Variants in ADGRL3 observed in about 807,000 individuals in gnomAD.
ADGRL3 encodes the protein calcium-independent alpha-latrotoxin receptor 3.
ADGRL3 carries 62 observed loss-of-function variants against 153.5 expected under a neutral mutation model. The ratio of observed to expected loss-of-function variants is 0.40; its 90% CI spans 0.33 to 0.50. The LOEUF (loss-of-function observed/expected upper bound fraction) is 0.50. Ranked by LOEUF, ADGRL3 falls within the 20% of genes least tolerant of loss-of-function variation. The pLI is 0.47. For synonymous variants in ADGRL3, 710 were observed against 672.5 expected (o/e 1.06, Z -0.86); for missense variants, 1,641 against 1,859.4 (o/e 0.88, Z 2.16).
At chr4:61,650,303 A>G (rs1054462557) in intron 5 of ADGRL3, among the ~76,000 whole-genome samples, 6 of 152,146 alleles carry the variant, frequency 3.9e-5, no homozygotes, top group Non-Finnish European at 8.8e-5. Context: ...AATTCTCTCA[A>G]AATATTTACT....
chr4:61,590,889 T>A (rs1209162462), intron 5 of ADGRL3, among the ~76,000 whole-genome samples: 1 of 152,152 alleles, frequency 6.6e-6, no homozygotes, highest in Non-Finnish European at 1.5e-5. Flanking sequence ...TTTCTAGTAA[T>A]CTTTTGCTCA....
At chr4:61,322,627 G>T (rs780783414) in intron 1 of ADGRL3, among the ~76,000 whole-genome samples, 7 of 152,208 alleles carry the variant, frequency 4.6e-5, no homozygotes, top group Middle Eastern at 3.2e-3. Context: ...CGGCAGGACA[G>T]TCAAATGTTA....
chr4:61,733,217 C>A lies in ADGRL3; in HGVS notation c.1062C>A (p.Val354=), dbSNP rs1319005300. 1.2e-6 allele frequency: 2 copies of A among 1,613,310 alleles called. No homozygotes were observed. The highest frequency in any genetic ancestry group is 3.3e-5 in the Admixed American group (2 of 59,836). The change falls in exon 8 of 27, where the codon GTC becomes GTA. Residue 354 remains valine, a synonymous_variant. Coordinates refer to ENST00000683033, the MANE Select transcript of ADGRL3 (RefSeq NM_001387552.1). ...CAGAACAAAACAATGGTAAAATTGT[C>A]ATTAGTCAATTGAACCCTTACACCC... is the stretch of plus-strand genomic sequence containing the variant. ...YATEQNNGKI[V]ISQLNPYTLR... is the part of the protein sequence containing the mutation.
At chr4:61,369,014 T>A (rs372735188) in intron 1 of ADGRL3, among the ~76,000 whole-genome samples, 1 of 151,994 alleles carries the variant, frequency 6.6e-6, no homozygotes, top group African/African-American at 2.4e-5. Flanking sequence ...GTTCACTCAT[T>A]ATTTGGCTCT....
At chr4:61,233,144 C>G (rs940816413) in intron 1 of ADGRL3, among the ~76,000 whole-genome samples, 1 of 152,016 alleles carries the variant, frequency 6.6e-6, no homozygotes, top group Non-Finnish European at 1.5e-5. Context: ...TGTAGTATTA[C>G]CCTAGTAATA....
chr4:61,330,761 A>T (rs894563161), intron 1 of ADGRL3, among the ~76,000 whole-genome samples: 9 of 152,090 alleles, frequency 5.9e-5, no homozygotes, highest in Non-Finnish European at 1.2e-4. Context: ...TGCTGGCTGG[A>T]GTGGCCAGCT....
intron 4 of ADGRL3, among the ~76,000 whole-genome samples, chr4:61,555,801 C>G (rs553967539): frequency 6.6e-6 from 1 of 152,258 alleles, no homozygotes; most frequent in South Asian, 2.1e-4. Context: ...TCATGCCTCC[C>G]CTTTTTAGAC....
At chr4:61,460,507 G>C (rs1016401572) in intron 2 of ADGRL3, among the ~76,000 whole-genome samples, 2 of 151,920 alleles carry the variant, frequency 1.3e-5, no homozygotes, top group Non-Finnish European at 2.9e-5. Context: ...TGGAGGTAGA[G>C]AGTAGAATGA....
At chr4:61,913,581 C>T (rs1311349785) in intron 13 of ADGRL3, among the ~76,000 whole-genome samples, 1 of 152,134 alleles carries the variant, frequency 6.6e-6, no homozygotes, top group Non-Finnish European at 1.5e-5. Flanking sequence ...AGTTTAAAAA[C>T]AAAACTTTAT....
chr4:61,517,965 A>G (rs973379885), intron 4 of ADGRL3, among the ~76,000 whole-genome samples: 2 of 152,198 alleles, frequency 1.3e-5, no homozygotes, highest in Non-Finnish European at 2.9e-5. Context: ...CACATTAGTC[A>G]TTTAAAGCGT....
chr4:61,799,460 T>C (rs1477165899), intron 8 of ADGRL3, among the ~76,000 whole-genome samples: 1 of 152,072 alleles, frequency 6.6e-6, no homozygotes, highest in Non-Finnish European at 1.5e-5. Flanking sequence ...TCTAAACTTT[T>C]AAAAATAGAG....
intron 3 of ADGRL3, among the ~76,000 whole-genome samples, chr4:61,513,557 A>G (rs1196554948): frequency 1.3e-5 from 2 of 152,152 alleles, no homozygotes; most frequent in African/African-American, 2.4e-5. Context: ...ATGAAATACT[A>G]ATTTTATATT....
chr4:61,709,658 G>A (rs554251298), intron 6 of ADGRL3, among the ~76,000 whole-genome samples: 5 of 152,190 alleles, frequency 3.3e-5, no homozygotes, highest in Non-Finnish European at 4.4e-5. Context: ...TATGTGCCTC[G>A]AAAGCCTGGT....
chr4:61,310,207 CT>C (rs1273456673), intron 1 of ADGRL3, among the ~76,000 whole-genome samples: 1 of 151,714 alleles, frequency 6.6e-6, no homozygotes, highest in Admixed American at 6.6e-5. Flanking sequence ...TTTATTTCCC[CT>C]AGCTGAAACC....
chr4:61,507,254 C>G (rs941916122), intron 3 of ADGRL3, among the ~76,000 whole-genome samples: 2 of 152,086 alleles, frequency 1.3e-5, no homozygotes, highest in Non-Finnish European at 2.9e-5. Context: ...ATGATGCTCT[C>G]CCTCCAGGGA....
At chr4:61,742,275 C>CTTA (rs2096590363) in intron 8 of ADGRL3, among the ~76,000 whole-genome samples, 1 of 151,824 alleles carries the variant, frequency 6.6e-6, no homozygotes, top group African/African-American at 2.4e-5. Context: ...TACTCTTCTT[C>CTTA]TTCTTATTAT....
intron 6 of ADGRL3, among the ~76,000 whole-genome samples, chr4:61,679,150 T>C (rs2095279304): frequency 6.6e-6 from 1 of 152,046 alleles, no homozygotes; most frequent in Admixed American, 6.6e-5. Context: ...AGGGAGATTT[T>C]ACTCATGGTA....
At chr4:61,736,483 C>G (rs2096515700) in intron 8 of ADGRL3, among the ~76,000 whole-genome samples, 1 of 152,028 alleles carries the variant, frequency 6.6e-6, no homozygotes, top group South Asian at 2.1e-4. Flanking sequence ...TGGTGAAACT[C>G]CATCTCCACT....
intron 16 of ADGRL3, among the ~76,000 whole-genome samples, chr4:61,947,512 CTA>C (rs1350107172): frequency 6.6e-6 from 1 of 152,140 alleles, no homozygotes; most frequent in African/African-American, 2.4e-5. Flanking sequence ...CAATGGGTAA[CTA>C]TGTGAGACGA....
Sources: allele counts gnomAD v4.1 joint callset (sites outside exome capture counted in the v4.1 genomes callset), GRCh38; gene constraint gnomAD v4.1.1; transcripts MANE v1.5; gene names NCBI Gene and HGNC (gene_info 2026-07-23, HGNC 2026-07-21).